The following DCDC1 variants were observed in gnomAD, a reference collection of about 807,000 sequenced individuals.
DCDC1 encodes doublecortin domain containing 1, also known as doublecortin domain-containing protein 1.
DCDC1 carries 200 observed loss-of-function variants against 178.3 expected under a neutral mutation model. That is an observed-to-expected ratio of 1.12 (90% confidence interval 1.00 to 1.26). DCDC1 has a LOEUF of 1.26. DCDC1 is among the 50% of genes most tolerant of loss of function. The probability of loss-of-function intolerance (pLI) is 0.00; values close to 1 mark genes in which losing one functional copy is unlikely to be tolerated. For synonymous variants in DCDC1, 690 were observed against 604.8 expected (o/e 1.14, Z -2.07); for missense variants, 1,983 against 1,749.2 (o/e 1.13, Z -2.38).
At chr11:31,210,050 A>G (rs1305455030) in intron 9 of DCDC1, among the ~76,000 whole-genome samples, 1 of 152,152 alleles carries the variant, frequency 6.6e-6, no homozygotes, top group Non-Finnish European at 1.5e-5. Flanking sequence ...TGTCTGCTAC[A>G]TGGGGGGTAT....
At chr11:31,177,505 GGAGT>G (rs1267798180) in intron 9 of DCDC1, among the ~76,000 whole-genome samples, 1 of 152,062 alleles carries the variant, frequency 6.6e-6, no homozygotes, top group African/African-American at 2.4e-5. Context: ...GAGAACTGTA[GGAGT>G]AAGTCCTTAT....
At chr11:31,128,290 C>T (rs1424829095) in intron 10 of DCDC1, among the ~76,000 whole-genome samples, 1 of 151,982 alleles carries the variant, frequency 6.6e-6, no homozygotes, top group African/African-American at 2.4e-5. Flanking sequence ...TCCAGAAACA[C>T]CAAAGGCTAA....
intron 38 of DCDC1, among the ~76,000 whole-genome samples, chr11:30,876,735 T>C (rs1942163281): frequency 6.6e-6 from 1 of 152,106 alleles, no homozygotes; most frequent in Non-Finnish European, 1.5e-5. Context: ...AATCAACTTT[T>C]CCCTGGCAGG....
chr11:31,239,905 T>C (rs1044406800), intron 9 of DCDC1, among the ~76,000 whole-genome samples: 3 of 151,908 alleles, frequency 2.0e-5, no homozygotes, highest in Non-Finnish European at 4.4e-5. Context: ...TAGCAATTTA[T>C]ACTTCTTTAA....
chr11:30,960,025 G>A (rs1165457255), intron 20 of DCDC1, among the ~76,000 whole-genome samples: 3 of 152,036 alleles, frequency 2.0e-5, no homozygotes, highest in Non-Finnish European at 2.9e-5. Flanking sequence ...TCGAATTGAA[G>A]CACCCAAAAG....
chr11:30,888,529 C>T (rs561186508), intron 36 of DCDC1, among the ~76,000 whole-genome samples: 2 of 152,226 alleles, frequency 1.3e-5, no homozygotes, highest in South Asian at 4.2e-4. Flanking sequence ...ACCAGCCTGA[C>T]CAACATGGAG....
At chr11:31,040,044 A>G (rs532773247) in intron 20 of DCDC1, among the ~76,000 whole-genome samples, 1 of 152,178 alleles carries the variant, frequency 6.6e-6, no homozygotes, top group Non-Finnish European at 1.5e-5. Context: ...GGGTCAAGCC[A>G]TAGTGGTTTG....
chr11:31,206,823 G>A (rs900708586), intron 9 of DCDC1, among the ~76,000 whole-genome samples: 1 of 152,052 alleles, frequency 6.6e-6, no homozygotes, highest in African/African-American at 2.4e-5. Flanking sequence ...AATTTAACAT[G>A]CCCTTCCATT....
intron 20 of DCDC1, among the ~76,000 whole-genome samples, chr11:30,986,626 C>G (rs989154181): frequency 2.6e-4 from 40 of 152,242 alleles, no homozygotes; most frequent in Admixed American, 1.2e-3. Context: ...CCACCACACC[C>G]AGCCAATGAC....
intron 20 of DCDC1, among the ~76,000 whole-genome samples, chr11:31,029,478 T>C (rs1282381686): frequency 1.3e-5 from 2 of 152,156 alleles, no homozygotes; most frequent in Non-Finnish European, 2.9e-5. Context: ...AGTGTGCAGA[T>C]GCCTATGATA....
chr11:31,031,082 A>G (rs1464911923), intron 20 of DCDC1, among the ~76,000 whole-genome samples: 1 of 152,166 alleles, frequency 6.6e-6, no homozygotes, highest in Non-Finnish European at 1.5e-5. Context: ...AGATTCATTT[A>G]TCATTTAGGC....
intron 13 of DCDC1, among the ~76,000 whole-genome samples, chr11:31,106,164 C>T (rs1338499566): frequency 1.3e-5 from 2 of 152,310 alleles, no homozygotes; most frequent in East Asian, 3.9e-4. Context: ...CAAAAATTTA[C>T]ACAATGCTCA....
At chr11:30,954,005 C>CTTTT (rs5790847) in intron 20 of DCDC1, among the ~76,000 whole-genome samples, 93 of 76,508 alleles carry the variant, frequency 1.2e-3, no homozygotes, top group African/African-American at 3.7e-3. Context: ...TACAACAATT[C>CTTTT]TTTTTTTTTT....
At chr11:31,260,920 A>T (rs1447585241) in intron 8 of DCDC1, among the ~76,000 whole-genome samples, 2 of 152,230 alleles carry the variant, frequency 1.3e-5, no homozygotes, top group South Asian at 2.1e-4. Context: ...GAATGATGTC[A>T]AAGTGATACA....
At position 30,925,351 on chromosome 11, in the gene DCDC1, C is replaced by A. The variant is rs749180447; in HGVS notation, c.2955G>T (p.Gly985=). The change falls in exon 23 of 39, where the codon GGG becomes GGT. Residue 985 remains glycine (G), a synonymous_variant. Coordinates refer to ENST00000684477, the MANE Select transcript of DCDC1 (RefSeq NM_001387274.1). ...GGTCTTTTAAGGCAAATATTTCCTT[C>A]CCCTTTTCATTGTACAATCTCCGAG... is the stretch of plus-strand genomic sequence containing the variant. ...SAARRLYNEK[G]KEIFALKDLQ... 1 of 1,613,766 alleles carries A rather than the reference C, an allele frequency of 6.2e-7. No individual in the cohort carries two copies. Among genetic ancestry groups the A allele is most frequent in the Admixed American group, 1.7e-5 (1 of 60,006 alleles).
At chr11:31,209,344 C>T (rs774944469) in intron 9 of DCDC1, among the ~76,000 whole-genome samples, 13 of 152,156 alleles carry the variant, frequency 8.5e-5, no homozygotes, top group East Asian at 1.9e-4. Flanking sequence ...AAAAGGAGAA[C>T]ACAAGGAATA....
intron 6 of DCDC1, among the ~76,000 whole-genome samples, chr11:31,304,219 A>G (rs1948307302): frequency 6.6e-6 from 1 of 152,180 alleles, no homozygotes; most frequent in Non-Finnish European, 1.5e-5. Context: ...GCTTAGCTAT[A>G]AATAATTTTT....
intron 9 of DCDC1, among the ~76,000 whole-genome samples, chr11:31,233,309 T>C (rs1976048525): frequency 6.6e-6 from 1 of 152,204 alleles, no homozygotes; most frequent in Non-Finnish European, 1.5e-5. Context: ...TTTATACTGA[T>C]AAGCATATTT....
intron 38 of DCDC1, among the ~76,000 whole-genome samples, chr11:30,873,344 CAT>C (rs71481498): frequency 0.011 from 1,464 of 133,994 alleles, 21 homozygotes; most frequent in African/African-American, 0.037. Flanking sequence ...TGTGTATATA[CAT>C]ATATATATAT....
Sources: gnomAD v4.1 joint callset for allele counts (sites outside exome capture counted in the v4.1 genomes callset) on GRCh38, gnomAD v4.1.1 for gene constraint, MANE v1.5 for transcripts, NCBI Gene and HGNC (gene_info 2026-07-23, HGNC 2026-07-21) for gene names.